Variants in PITPNB observed in about 807,000 individuals in gnomAD.
PITPNB encodes phosphatidylinositol transfer protein beta isoform.
A neutral mutation model predicts 45.9 loss-of-function variants in PITPNB; 16 were observed. The observed-to-expected ratio is 0.35, with a 90% CI of 0.24 to 0.53. The LOEUF is 0.53. Among genes scored for constraint, PITPNB ranks in the 20% least tolerant of loss-of-function variants. The probability of loss-of-function intolerance (pLI) is 0.93; values close to 1 mark genes in which losing one functional copy is unlikely to be tolerated. For synonymous variants in PITPNB, 112 were observed against 108.9 expected, an observed-to-expected ratio of 1.03 and a Z score of -0.18; for missense variants, 188 against 330.5, an observed-to-expected ratio of 0.57 and a Z score of 3.34.
chr22:27,852,512 CCA>C lies in PITPNB; in HGVS notation c.*1188_*1189del, dbSNP rs35654082. The C allele has an allele frequency of 0.15, 22,765 of 152,216 alleles. 1,952 individuals are homozygous for C. The highest frequency in any genetic ancestry group is 0.29 in the Admixed American group (4,446 of 15,288). 9.4% of individuals were successfully genotyped at this position (152,216 alleles called of 1,614,324 possible). A position where few individuals can be genotyped will look rare whatever the true frequency, so the allele number is the denominator to read the frequency against. The stretch of plus-strand genomic sequence containing the variant: ...ATGACGTCCTACTTGAGAGCACATC[CCA>C]CAGTCAGATGTCCACCAGTCTCTTG... On this transcript the variant is annotated 3_prime_UTR_variant, in exon 12 of 12. Transcript: ENST00000335272.
intron 8 of PITPNB, among the ~76,000 whole-genome samples, chr22:27,864,659 G>C (rs1934430605): frequency 1.3e-5 from 2 of 152,018 alleles, no homozygotes; most frequent in South Asian, 4.1e-4. Flanking sequence ...TTTTTTTCCA[G>C]CGGTACAGTG....
chr22:27,880,347 C>A (rs894754630), intron 7 of PITPNB, among the ~76,000 whole-genome samples: 2 of 152,138 alleles, frequency 1.3e-5, no homozygotes, highest in Non-Finnish European at 2.9e-5. Flanking sequence ...TGAAAAGGGG[C>A]TTTTATAAGA....
intron 8 of PITPNB, among the ~76,000 whole-genome samples, chr22:27,861,013 C>T (rs1255825231): frequency 1.4e-5 from 2 of 141,954 alleles, no homozygotes; most frequent in Admixed American, 7.2e-5. Flanking sequence ...GATAGCAAGA[C>T]CCCATTTCTG....
chr22:27,853,543 A>C lies in PITPNB; in HGVS notation c.*159T>G. 14 of 1,169,858 alleles carry C rather than the reference A, an allele frequency of 1.2e-5. No individual in the cohort carries two copies. In the South Asian group the frequency reaches 1.8e-4, roughly 15 times the overall value. 72.5% of individuals were successfully genotyped at this position (1,169,858 alleles called of 1,614,324 possible). Reference sequence around the variant, plus strand: ...TACACACGTGGTTGAGAACCTGTGCATGTGTGTGTATCATCACAAGCACAC... The same window carrying C: ...TACACACGTGGTTGAGAACCTGTGCCTGTGTGTGTATCATCACAAGCACAC... On this transcript the variant is annotated 3_prime_UTR_variant, in exon 12 of 12. Transcript: ENST00000335272.
intron 8 of PITPNB, among the ~76,000 whole-genome samples, chr22:27,871,772 C>T (rs915091034): frequency 4.0e-4 from 61 of 152,194 alleles, no homozygotes; most frequent in African/African-American, 1.4e-3. Context: ...AAATGTAATC[C>T]CCAATGTTGA....
intron 3 of PITPNB, among the ~76,000 whole-genome samples, chr22:27,904,860 CAA>C (rs1365096091): frequency 1.3e-5 from 2 of 152,000 alleles, no homozygotes; most frequent in Non-Finnish European, 2.9e-5. Flanking sequence ...TTCTGGGAGA[CAA>C]GAGACTCTAA....
intron 1 of PITPNB, among the ~76,000 whole-genome samples, chr22:27,917,255 T>C (rs916684927): frequency 6.6e-6 from 1 of 152,210 alleles, no homozygotes; most frequent in Admixed American, 6.5e-5. Flanking sequence ...TTTCCAAGAG[T>C]TAGCTTCATA....
chr22:27,903,544 A>G (rs1254698792), intron 3 of PITPNB, among the ~76,000 whole-genome samples: 1 of 151,726 alleles, frequency 6.6e-6, no homozygotes, highest in Non-Finnish European at 1.5e-5. Flanking sequence ...GGGAGGCTGA[A>G]GCAGGAGGAT....
At chr22:27,919,014 T>A in intron 1 of PITPNB, 158 bp downstream of exon 1, 2 of 1,018,028 alleles carry the variant, frequency 2.0e-6, no homozygotes, top group Non-Finnish European at 3.0e-6. Context: ...GCGCACTCGC[T>A]GAGGGGCTTC....
intron 7 of PITPNB, among the ~76,000 whole-genome samples, chr22:27,890,076 C>T (rs911237445): frequency 1.3e-5 from 2 of 151,948 alleles, no homozygotes; most frequent in African/African-American, 2.4e-5. Context: ...GCTGTCAATG[C>T]CTGTGAAAGT....
intron 5 of PITPNB, chr22:27,896,865 A>T: frequency 1.6e-6 from 1 of 606,756 alleles, no homozygotes; most frequent in East Asian, 2.8e-5. Context: ...GGGCTAATAA[A>T]GAAGCTGTGA....
At chr22:27,911,155 G>C in intron 2 of PITPNB, 46 bp from the exon 3 acceptor site, 1 of 1,456,298 alleles carries the variant, frequency 6.9e-7, no homozygotes, top group Non-Finnish European at 9.6e-7. Flanking sequence ...AGTAGTAACT[G>C]CAGAAATTTA....
At chr22:27,907,065 T>C (rs1478591204) in intron 3 of PITPNB, among the ~76,000 whole-genome samples, 1 of 152,192 alleles carries the variant, frequency 6.6e-6, no homozygotes, top group African/African-American at 2.4e-5. Flanking sequence ...TTAGTCAAGT[T>C]TGTAGTTTTA....
intron 8 of PITPNB, among the ~76,000 whole-genome samples, chr22:27,869,376 G>A (rs762133911): frequency 5.9e-5 from 9 of 152,084 alleles, no homozygotes; most frequent in Non-Finnish European, 1.3e-4. Flanking sequence ...TCACATCATA[G>A]GCTAAAAAAA....
intron 9 of PITPNB, among the ~76,000 whole-genome samples, chr22:27,859,443 A>T (rs1294887328): frequency 6.6e-6 from 1 of 152,252 alleles, no homozygotes; most frequent in Non-Finnish European, 1.5e-5. Context: ...TTATAATAAT[A>T]ACAGAATAAA....
chr22:27,889,750 C>G (rs1935221176), intron 7 of PITPNB, among the ~76,000 whole-genome samples: 1 of 152,230 alleles, frequency 6.6e-6, no homozygotes, highest in South Asian at 2.1e-4. Flanking sequence ...ACAGCTACCA[C>G]AGTGCTGCAT....
chr22:27,907,203 C>T (rs929800386), intron 3 of PITPNB, among the ~76,000 whole-genome samples: 4 of 152,202 alleles, frequency 2.6e-5, no homozygotes, highest in African/African-American at 9.7e-5. Context: ...TAGCTAGGGA[C>T]TATGGGTATG....
At chr22:27,894,442 G>A (rs1371064889) in intron 7 of PITPNB, 113 bp downstream of exon 7, 2 of 639,918 alleles carry the variant, frequency 3.1e-6, no homozygotes, top group Middle Eastern at 3.7e-4. Context: ...AGAAATGTAG[G>A]CCATACAAGA....
intron 7 of PITPNB, among the ~76,000 whole-genome samples, chr22:27,884,176 G>A (rs537923578): frequency 3.9e-5 from 6 of 152,222 alleles, no homozygotes; most frequent in African/African-American, 1.4e-4. Context: ...CAGGCAGGAG[G>A]GCTGCAGCAC....
Sources: allele counts gnomAD v4.1 joint callset (sites outside exome capture counted in the v4.1 genomes callset), GRCh38; gene constraint gnomAD v4.1.1; transcripts MANE v1.5; gene names NCBI Gene and HGNC (gene_info 2026-07-23, HGNC 2026-07-21).